ZSCAN18: variants seen among roughly 807,000 people sequenced by gnomAD.
ZSCAN18 encodes zinc finger and SCAN domain-containing protein 18.
In ZSCAN18, 16 loss-of-function variants were observed where a neutral mutation model predicts 31.1. The ratio of observed to expected loss-of-function variants is 0.51; its 90% CI spans 0.35 to 0.78. The LOEUF is 0.78. Ranked by LOEUF, ZSCAN18 falls within the 30% of genes least tolerant of loss-of-function variation. The pLI is 0.01. For synonymous variants in ZSCAN18, 375 were observed against 320.7 expected, an observed-to-expected ratio of 1.17 and a Z score of -1.81; for missense variants, 731 against 697.4, an observed-to-expected ratio of 1.05 and a Z score of -0.54.
chr19:58,093,741 T>G (rs911369093), intron 1 of ZSCAN18, among the ~76,000 whole-genome samples: 19 of 152,116 alleles, frequency 1.2e-4, no homozygotes, highest in African/African-American at 4.6e-4. Context: ...ACAGGTAATG[T>G]CCTAATGTTT....
chr19:58,106,245 T>TA (rs1387214692), intron 1 of ZSCAN18, among the ~76,000 whole-genome samples: 1 of 151,490 alleles, frequency 6.6e-6, no homozygotes. Flanking sequence ...CTACAAAACA[T>TA]AAAAAAAATT....
chr19:58,116,854 G>A (rs542047646), intron 1 of ZSCAN18, among the ~76,000 whole-genome samples: 5 of 152,310 alleles, frequency 3.3e-5, no homozygotes, highest in Admixed American at 6.5e-5. Flanking sequence ...CCAGAGAGTA[G>A]AGGTGTGGTG....
intron 4 of ZSCAN18, 107 bp from the exon 5 acceptor site, chr19:58,087,115 A>C: frequency 9.4e-7 from 1 of 1,068,370 alleles, no homozygotes; most frequent in Non-Finnish European, 1.4e-6. Context: ...CTGGCCAGGG[A>C]CTCTAACCCA....
chr19:58,084,864 A>G lies in ZSCAN18; in HGVS notation c.1354T>C (p.Phe452Leu). ...TGGTGCTCGGCTAGGGCCAGGCTGA[A>G]GTGGAAGGTCTTCCAGCAGCCCTGA... ...ACQGCWKTFH[F>L]SLALAEHQKT... Residue 452 changes from phenylalanine (F) to leucine (L), a missense_variant, in exon 7 of 7, where the codon TTC becomes CTC. By Grantham distance (22) the Phe-to-Leu change is conservative (BLOSUM62 0). Transcript: ENST00000601144. The surrounding 1 kb of genome is among the most constrained non-coding windows in gnomAD (Gnocchi z 4.5). 6.2e-7 allele frequency: 1 copy of G among 1,600,662 alleles called. No homozygotes were observed. Among genetic ancestry groups the G allele is most frequent in the South Asian group, 1.1e-5 (1 of 89,192 alleles).
Position 58,092,948 on chromosome 19 carries a change from A to AT in ZSCAN18, c.-119-2563dup, listed in dbSNP as rs113407963. Among the ~76,000 whole-genome samples, 12 of 151,452 alleles carry AT rather than the reference A, an allele frequency of 7.9e-5. No individual in the cohort carries two copies. The South Asian group carries it at 1.9e-3, about 24-fold the overall frequency. ...ATCACCCACACCTGGCTAATTTTTA[A>AT]TTTGTTTTGTAGAGACAGGGATCTC... On this transcript the variant is annotated intron_variant, in intron 1 of 6. Transcript: ENST00000601144.
chr19:58,088,787 C>A lies in ZSCAN18; in HGVS notation c.454G>T (p.Val152Leu). The change falls in exon 3 of 7, where the codon GTG (valine) becomes TTG (leucine). Residue 152 changes from valine to leucine, a missense_variant. By Grantham distance (32) the Val-to-Leu change is conservative (BLOSUM62 1). Coordinates refer to ENST00000601144, the MANE Select transcript of ZSCAN18 (RefSeq NM_001145543.2). ...AGAGGGTCCATGTGCCTCTCGTACACTCCATCGCTAAGAATTGAGGATGAG... is the reference window on the plus strand; with the variant it reads ...AGAGGGTCCATGTGCCTCTCGTACAATCCATCGCTAAGAATTGAGGATGAG... ...AGSSSILSDG[V>L]YERHMDPLLL... is the part of the protein sequence containing the mutation. 6.2e-7 allele frequency: 1 copy of A among 1,612,762 alleles called. No individual in the cohort carries two copies. The highest frequency in any genetic ancestry group is 8.5e-7 in the Non-Finnish European group (1 of 1,179,986).
chr19:58,114,643 T>C (rs190022535), intron 1 of ZSCAN18, among the ~76,000 whole-genome samples: 8 of 152,292 alleles, frequency 5.3e-5, no homozygotes, highest in Admixed American at 5.2e-4. Context: ...AACAAGTATG[T>C]ATATATACAC....
chr19:58,089,484 G>A (rs919261414), intron 2 of ZSCAN18, among the ~76,000 whole-genome samples: 3 of 151,954 alleles, frequency 2.0e-5, no homozygotes, highest in Non-Finnish European at 4.4e-5. Context: ...ACATTAGCTG[G>A]GCATCGTGGC....
Position 58,085,132 on chromosome 19 carries a change from C to T in ZSCAN18, c.1086G>A (p.Arg362=), listed in dbSNP as rs1261091661. 1.9e-6 allele frequency: 3 copies of T among 1,609,280 alleles called. No homozygotes were observed. Among genetic ancestry groups the T allele is most frequent in the Non-Finnish European group, 2.5e-6 (3 of 1,178,144 alleles). Reference sequence around the variant, plus strand: ...TCTTGGTTCCCAGTTTCGCCGTGCCCCTGTCCGGGGCAGGCTGCTGGATGA... The same window carrying T: ...TCTTGGTTCCCAGTTTCGCCGTGCCTCTGTCCGGGGCAGGCTGCTGGATGA... The part of the protein sequence containing the change: ...QSVIQQPAPD[R]GTAKLGTKRP... The change falls in exon 7 of 7, where the codon AGG becomes AGA. Residue 362 remains arginine (R), a synonymous_variant. Coordinates refer to ENST00000601144, the MANE Select transcript of ZSCAN18 (RefSeq NM_001145543.2).
Position 58,085,346 on chromosome 19 carries a change from G to A in ZSCAN18, c.872C>T (p.Ala291Val). ...CCCCGCGGGGGCGGCCTCCTCGCAG[G>A]CGCACCCAGCGCTCTCCTGCCGCCT... ...GGRRQESAGC[A>V]CEEAAPAGVL... is the part of the protein sequence containing the mutation. The change falls in exon 7 of 7, where the codon GCC (alanine) becomes GTC (valine). Residue 291 changes from alanine (A) to valine (V), a missense_variant. Physicochemically the swap from Ala to Val is moderately conservative, Grantham distance 64. Coordinates refer to ENST00000601144, the MANE Select transcript of ZSCAN18 (RefSeq NM_001145543.2). 1.3e-6 allele frequency: 2 copies of A among 1,592,576 alleles called. No individual in the cohort carries two copies. The highest frequency in any genetic ancestry group is 1.7e-6 in the Non-Finnish European group (2 of 1,177,534).
intron 2 of ZSCAN18, 39 bp from the exon 3 acceptor site, chr19:58,088,876 G>C: frequency 6.3e-7 from 1 of 1,581,768 alleles, no homozygotes; most frequent in Middle Eastern, 1.7e-4. Flanking sequence ...CAAGAGGTCA[G>C]GACACGTGCC....
At chr19:58,115,512 G>T (rs2547348) in intron 1 of ZSCAN18, among the ~76,000 whole-genome samples, 1 of 152,068 alleles carries the variant, frequency 6.6e-6, no homozygotes, top group Admixed American at 6.5e-5. Context: ...TTTTGAAACA[G>T]GTGGAGTCAA....
upstream of ZSCAN18, among the ~76,000 whole-genome samples, chr19:58,102,889 T>A (rs1001084154): frequency 2.0e-5 from 3 of 152,160 alleles, no homozygotes; most frequent in Admixed American, 1.3e-4. Context: ...CTCAGCACTT[T>A]GGGAGGCCGA....
upstream of ZSCAN18, among the ~76,000 whole-genome samples, chr19:58,102,664 G>C (rs1171865470): frequency 6.6e-6 from 1 of 151,228 alleles, no homozygotes; most frequent in Non-Finnish European, 1.5e-5. Flanking sequence ...ATTTTGTACT[G>C]CATCGGATAT....
chr19:58,106,762 T>G (rs112360376), intron 1 of ZSCAN18, among the ~76,000 whole-genome samples: 166 of 29,986 alleles, frequency 5.5e-3, no homozygotes, highest in Middle Eastern at 0.025. Context: ...GTTTTTTTTG[T>G]TTTTTTGTTT....
At chr19:58,101,997 A>C (rs2074598212), upstream of ZSCAN18, among the ~76,000 whole-genome samples, 1 of 152,112 alleles carries the variant, frequency 6.6e-6, no homozygotes, top group African/African-American at 2.4e-5. Flanking sequence ...ATGAGCACCT[A>C]TTAGCTTCCA....
chr19:58,107,562 AAAAAT>A, intron 1 of ZSCAN18: 1 of 768,550 alleles, frequency 1.3e-6, no homozygotes, highest in Non-Finnish European at 1.6e-6. Flanking sequence ...ACTCTGTCTC[AAAAAT>A]AAAATAAAAT....
chr19:58,084,496 G>T lies in ZSCAN18; in HGVS notation c.*189C>A. 1.8e-6 allele frequency: 1 copy of T among 552,226 alleles called. No homozygotes were observed. Among genetic ancestry groups the T allele is most frequent in the Non-Finnish European group, 3.0e-6 (1 of 335,730 alleles). 34.2% of individuals were successfully genotyped at this position (552,226 alleles called of 1,614,324 possible). ...AGCGCTGGCCCAGGGTGTGTTTACA[G>T]AGGTGAGGGCTTCCCGTGGACCCTT... On this transcript the variant is annotated 3_prime_UTR_variant, in exon 7 of 7. Coordinates refer to ENST00000601144, the MANE Select transcript of ZSCAN18 (RefSeq NM_001145543.2). This position sits in a 1 kb window ranked among gnomAD's most constrained non-coding sequence, Gnocchi z 4.5.
At chr19:58,089,350 G>A (rs1299266957) in intron 2 of ZSCAN18, among the ~76,000 whole-genome samples, 1 of 142,954 alleles carries the variant, frequency 7.0e-6, no homozygotes, top group Non-Finnish European at 1.5e-5. Flanking sequence ...AGGCTGGGCT[G>A]GGTGTGGTGG....
Sources: gnomAD v4.1 joint callset for allele counts (sites outside exome capture counted in the v4.1 genomes callset) on GRCh38, gnomAD v4.1.1 for gene constraint, Gnocchi (gnomAD v3.1) non-coding constraint, MANE v1.5 for transcripts, NCBI Gene and HGNC (gene_info 2026-07-23, HGNC 2026-07-21) for gene names.